ST18: variants seen among roughly 807,000 people sequenced by gnomAD.
ST18 encodes suppression of tumorigenicity 18 protein.
ST18 carries 50 observed loss-of-function variants against 110.0 expected under a neutral mutation model. The observed-to-expected ratio is 0.45, with a 90% CI of 0.36 to 0.58. The LOEUF (loss-of-function observed/expected upper bound fraction) is 0.58, where lower values mean the gene tolerates loss of function less well. Among genes scored for constraint, ST18 ranks in the 20% least tolerant of loss-of-function variants. The pLI is 0.00. For missense variants in ST18, 1,306 were observed against 1,280.1 expected (o/e 1.02, Z -0.31); for synonymous variants, 461 against 452.4 (o/e 1.02, Z -0.24).
chr8:52,365,903 G>A (rs1827738932), intron 2 of ST18, among the ~76,000 whole-genome samples: 1 of 149,288 alleles, frequency 6.7e-6, no homozygotes, highest in Non-Finnish European at 1.5e-5. Context: ...GTCTCACTCT[G>A]CTGCCCAGGC....
intron 2 of ST18, among the ~76,000 whole-genome samples, chr8:52,381,137 T>G (rs903459365): frequency 2.0e-5 from 3 of 152,186 alleles, no homozygotes; most frequent in Non-Finnish European, 4.4e-5. Context: ...ACAAGTTCCC[T>G]GTATTTAGCA....
chr8:52,214,323 A>G (rs2083331764), intron 6 of ST18, 66 bp from the exon 7 acceptor site: 2 of 1,550,116 alleles, frequency 1.3e-6, no homozygotes, highest in African/African-American at 2.7e-5. Context: ...AAAACATGTA[A>G]TTAGAAGTTC....
intron 23 of ST18, among the ~76,000 whole-genome samples, chr8:52,124,180 ATT>A (rs11299061): frequency 6.0e-4 from 89 of 147,842 alleles, no homozygotes; most frequent in African/African-American, 1.9e-3. Context: ...TTTTGAATTA[ATT>A]TTTTTTTTTT....
At chr8:52,132,210 G>A (rs748628511) in intron 21 of ST18, 31 bp from the exon 22 acceptor site, 1 of 1,576,712 alleles carries the variant, frequency 6.3e-7, no homozygotes, top group South Asian at 1.1e-5. Flanking sequence ...TTACCAGCCA[G>A]GAAGAAGGCA....
At chr8:52,240,794 A>G (rs938112262) in intron 2 of ST18, among the ~76,000 whole-genome samples, 2 of 152,130 alleles carry the variant, frequency 1.3e-5, no homozygotes, top group Non-Finnish European at 2.9e-5. Context: ...AGCAACTCAC[A>G]TGATTGCTCA....
At chr8:52,307,654 A>G (rs1422460172) in intron 2 of ST18, among the ~76,000 whole-genome samples, 2 of 152,220 alleles carry the variant, frequency 1.3e-5, no homozygotes, top group Non-Finnish European at 2.9e-5. Flanking sequence ...ATCCCTGTCA[A>G]GATTTTGACA....
chr8:52,295,710 CTT>C (rs371927202), intron 2 of ST18, among the ~76,000 whole-genome samples: 1 of 130,792 alleles, frequency 7.6e-6, no homozygotes, highest in Non-Finnish European at 1.6e-5. Flanking sequence ...TCTTTTTTTC[CTT>C]TTTTTTTTTT....
At chr8:52,368,837 T>C (rs558380186) in intron 2 of ST18, among the ~76,000 whole-genome samples, 2 of 152,194 alleles carry the variant, frequency 1.3e-5, no homozygotes, top group East Asian at 1.9e-4. Flanking sequence ...ATTAAGAAAT[T>C]AGAATCACTA....
At chr8:52,389,804 G>T (rs1034609892) in intron 2 of ST18, among the ~76,000 whole-genome samples, 1 of 152,180 alleles carries the variant, frequency 6.6e-6, no homozygotes, top group African/African-American at 2.4e-5. Context: ...CGGAGCCGAG[G>T]GGCAGTAGAG....
intron 7 of ST18, among the ~76,000 whole-genome samples, chr8:52,213,094 A>C (rs1012261589): frequency 2.6e-5 from 4 of 152,216 alleles, no homozygotes; most frequent in African/African-American, 4.8e-5. Context: ...AGGATATATA[A>C]CATGGTTACT....
At chr8:52,184,406 A>AT (rs2071164372) in intron 8 of ST18, among the ~76,000 whole-genome samples, 1 of 152,124 alleles carries the variant, frequency 6.6e-6, no homozygotes, top group African/African-American at 2.4e-5. Context: ...AAAGATCTGT[A>AT]TTTTTTACCT....
rs1221553828 is a variant in ST18, at chr8:52,113,310, G to C, written c.3032C>G (p.Ala1011Gly). 1.2e-6 allele frequency: 2 copies of C among 1,613,888 alleles called. No homozygotes were observed. Among genetic ancestry groups the C allele is most frequent in the South Asian group, 1.1e-5 (1 of 91,010 alleles). The change falls in exon 26 of 26, where the codon GCA becomes GGA. Residue 1011 changes from alanine (A) to glycine (G), a missense_variant. Coordinates refer to ENST00000689386, the MANE Select transcript of ST18 (RefSeq NM_001352837.2). The stretch of plus-strand genomic sequence containing the variant: ...CATATCTGTGAGTGTATTTACATAT[G>C]CTTCAAAATTCTGCTCACTGATAGG... ...MGPISEQNFE[A>G]YVNTLTDMYS...
intron 2 of ST18, among the ~76,000 whole-genome samples, chr8:52,368,227 C>T (rs1260649249): frequency 6.6e-6 from 1 of 152,112 alleles, no homozygotes; most frequent in Non-Finnish European, 1.5e-5. Flanking sequence ...GGAAAAAAAC[C>T]TATTTGTCAT....
At position 52,172,019 on chromosome 8, in the gene ST18, T is replaced by G; in HGVS notation, c.842A>C (p.Glu281Ala). The G allele has an allele frequency of 6.2e-7, 1 of 1,614,216 alleles. No homozygotes were observed. The highest frequency in any genetic ancestry group is 8.5e-7 in the Non-Finnish European group (1 of 1,180,038). Residue 281 changes from glutamate to alanine, a missense_variant, in exon 10 of 26, where the codon GAA (glutamate) becomes GCA (alanine). Physicochemically the swap from Glu to Ala is moderately radical, Grantham distance 107 (BLOSUM62 -1). Transcript: ENST00000689386. ...CATTACTGCCAGGCTCTCGCTATCT[T>G]CCTCCTCAACGTCAGGGAATGAGGG... ...AQPSFPDVEEEDSESLAVMTE... is the reference protein window; with the variant it reads ...AQPSFPDVEEADSESLAVMTE...
intron 2 of ST18, among the ~76,000 whole-genome samples, chr8:52,261,974 G>A (rs1019899229): frequency 6.6e-6 from 1 of 152,160 alleles, no homozygotes; most frequent in South Asian, 2.1e-4. Context: ...GTTGCTATAA[G>A]AGAACACCAC....
At chr8:52,173,183 C>T (rs2065622642) in intron 9 of ST18, among the ~76,000 whole-genome samples, 1 of 152,142 alleles carries the variant, frequency 6.6e-6, no homozygotes, top group Non-Finnish European at 1.5e-5. Context: ...TTCCTGTTTA[C>T]CTTTGTAATT....
chr8:52,348,430 T>A (rs549982580), intron 2 of ST18, among the ~76,000 whole-genome samples: 76 of 152,250 alleles, frequency 5.0e-4, no homozygotes, highest in African/African-American at 1.7e-3. Context: ...TTCTATTTTT[T>A]AAAAAAATGT....
intron 2 of ST18, among the ~76,000 whole-genome samples, chr8:52,332,530 CTT>C (rs140331895): frequency 0.12 from 6,110 of 49,864 alleles, 504 homozygotes; most frequent in African/African-American, 0.28. Context: ...TCTAATGTAG[CTT>C]TTTTTTTTTT....
chr8:52,319,320 A>T (rs1036562123), intron 2 of ST18, among the ~76,000 whole-genome samples: 7 of 152,124 alleles, frequency 4.6e-5, no homozygotes, highest in Non-Finnish European at 7.4e-5. Flanking sequence ...CATGCCATTC[A>T]AATCCTCTAA....
Sources: allele counts gnomAD v4.1 joint callset (sites outside exome capture counted in the v4.1 genomes callset), GRCh38; gene constraint gnomAD v4.1.1; transcripts MANE v1.5; gene names NCBI Gene and HGNC (gene_info 2026-07-23, HGNC 2026-07-21).